Variants in HSPA12A observed in about 807,000 individuals in gnomAD.
HSPA12A encodes heat shock 70 kDa protein 12A.
In HSPA12A, 28 loss-of-function variants were observed where a neutral mutation model predicts 69.2. The observed-to-expected ratio is 0.40, with a 90% CI of 0.30 to 0.55. The LOEUF (loss-of-function observed/expected upper bound fraction) is 0.55, where lower values mean the gene tolerates loss of function less well. Among genes scored for constraint, HSPA12A ranks in the 20% least tolerant of loss-of-function variants. The pLI is 0.38. For missense variants in HSPA12A, 686 were observed against 900.7 expected (o/e 0.76, Z 3.05); for synonymous variants, 345 against 370.5 (o/e 0.93, Z 0.79).
At chr10:116,825,181 T>A (rs1435109950) in intron 2 of HSPA12A, among the ~76,000 whole-genome samples, 1 of 132,052 alleles carries the variant, frequency 7.6e-6, no homozygotes, top group Admixed American at 7.8e-5. Context: ...GGTGAGACCT[T>A]GTCTCAAAAA....
intron 2 of HSPA12A, among the ~76,000 whole-genome samples, chr10:116,784,508 G>A (rs944787146): frequency 2.6e-5 from 4 of 152,208 alleles, no homozygotes; most frequent in African/African-American, 4.8e-5. Flanking sequence ...CACTTAGAGT[G>A]GTACCTGGAC....
intron 2 of HSPA12A, among the ~76,000 whole-genome samples, chr10:116,794,832 T>G (rs1402909044): frequency 6.6e-6 from 1 of 152,134 alleles, no homozygotes; most frequent in African/African-American, 2.4e-5. Flanking sequence ...AAAAAAAAGA[T>G]AATAGTTTTT....
At chr10:116,699,930 G>A (rs1342781404) in intron 4 of HSPA12A, among the ~76,000 whole-genome samples, 3 of 152,244 alleles carry the variant, frequency 2.0e-5, no homozygotes, top group African/African-American at 7.2e-5. Flanking sequence ...TCCCACTTAT[G>A]TTTGCTTTGT....
intron 1 of HSPA12A, among the ~76,000 whole-genome samples, chr10:116,838,386 G>A (rs1437296014): frequency 6.6e-6 from 1 of 152,166 alleles, no homozygotes; most frequent in Non-Finnish European, 1.5e-5. Context: ...GTGAGAGTGT[G>A]TGTGGACAGT....
At chr10:116,716,748 G>C (rs536686654) in intron 1 of HSPA12A, among the ~76,000 whole-genome samples, 1 of 152,108 alleles carries the variant, frequency 6.6e-6, no homozygotes, top group Non-Finnish European at 1.5e-5. Context: ...ATGTTTGTGA[G>C]CCTGGGGACA....
upstream of HSPA12A, chr10:116,742,710 G>A (rs1203864028): frequency 1.7e-6 from 1 of 594,870 alleles, no homozygotes; most frequent in Non-Finnish European, 2.1e-6. Flanking sequence ...CGGGCGCGGG[G>A]AACTGCCTGG....
At chr10:116,705,487 G>C (rs1850215891) in intron 2 of HSPA12A, among the ~76,000 whole-genome samples, 1 of 152,230 alleles carries the variant, frequency 6.6e-6, no homozygotes, top group Non-Finnish European at 1.5e-5. Flanking sequence ...GGGCATCCCT[G>C]AGTGGAGGGC....
chr10:116,825,805 A>T (rs189169397), intron 2 of HSPA12A, among the ~76,000 whole-genome samples: 4 of 152,168 alleles, frequency 2.6e-5, no homozygotes, highest in African/African-American at 7.2e-5. Flanking sequence ...CAATTCTGTG[A>T]TATATTAAAA....
chr10:116,765,669 G>A (rs1417965556), intron 2 of HSPA12A, among the ~76,000 whole-genome samples: 1 of 152,108 alleles, frequency 6.6e-6, no homozygotes, highest in Non-Finnish European at 1.5e-5. Flanking sequence ...AAAAGTTGAA[G>A]GAAAGAAGAC....
intron 1 of HSPA12A, among the ~76,000 whole-genome samples, chr10:116,718,338 G>C (rs1850669856): frequency 6.6e-6 from 1 of 152,190 alleles, no homozygotes; most frequent in Non-Finnish European, 1.5e-5. Context: ...GAGGAGGTAA[G>C]GGTAGGGAAG....
At chr10:116,770,998 T>G (rs1462473865) in intron 2 of HSPA12A, among the ~76,000 whole-genome samples, 79 of 139,438 alleles carry the variant, frequency 5.7e-4, no homozygotes, top group African/African-American at 2.0e-3. Flanking sequence ...GGAGTGGGGC[T>G]GTGGGCTGTG....
At chr10:116,811,579 T>TAAAAAAAAAA (rs60912684) in intron 2 of HSPA12A, among the ~76,000 whole-genome samples, 1 of 105,932 alleles carries the variant, frequency 9.4e-6, no homozygotes, top group African/African-American at 3.7e-5. Context: ...TTGCTTTTGT[T>TAAAAAAAAAA]AAAAAAAAAA....
chr10:116,804,474 C>G (rs954957748), intron 2 of HSPA12A, among the ~76,000 whole-genome samples: 3 of 152,052 alleles, frequency 2.0e-5, no homozygotes, highest in Admixed American at 6.5e-5. Context: ...ATACCCTCCC[C>G]GAGTCCCTGA....
At chr10:116,779,863 G>A (rs1048656650) in intron 2 of HSPA12A, among the ~76,000 whole-genome samples, 13 of 152,062 alleles carry the variant, frequency 8.5e-5, no homozygotes, top group African/African-American at 2.4e-4. Context: ...AGTGCACTCC[G>A]TCCCCGCACC....
intron 2 of HSPA12A, among the ~76,000 whole-genome samples, chr10:116,758,188 A>C (rs1440532339): frequency 6.6e-6 from 1 of 152,158 alleles, no homozygotes; most frequent in Non-Finnish European, 1.5e-5. Context: ...CCTTCAGCGA[A>C]GGTACCTTGA....
chr10:116,794,097 C>T (rs941838527), intron 2 of HSPA12A, among the ~76,000 whole-genome samples: 2 of 152,002 alleles, frequency 1.3e-5, no homozygotes, highest in African/African-American at 2.4e-5. Flanking sequence ...CAGCTATACT[C>T]GGGTGGCTGA....
chr10:116,812,453 AAAAAT>A (rs1322080335), intron 2 of HSPA12A, among the ~76,000 whole-genome samples: 1 of 152,038 alleles, frequency 6.6e-6, no homozygotes. Flanking sequence ...ACTCCATCTC[AAAAAT>A]AAAATAAAAT....
chr10:116,737,883 G>A (rs1851361330), intron 1 of HSPA12A, among the ~76,000 whole-genome samples: 1 of 152,162 alleles, frequency 6.6e-6, no homozygotes, highest in Non-Finnish European at 1.5e-5. Flanking sequence ...GCTTCAGTGG[G>A]GCAGGTTTCA....
intron 2 of HSPA12A, among the ~76,000 whole-genome samples, chr10:116,787,392 G>A (rs1372907532): frequency 7.5e-6 from 1 of 133,934 alleles, no homozygotes; most frequent in African/African-American, 2.8e-5. Flanking sequence ...GTGCCCAAAT[G>A]TCAAATCAAG....
Sources: gnomAD v4.1 joint callset for allele counts (sites outside exome capture counted in the v4.1 genomes callset) on GRCh38, gnomAD v4.1.1 for gene constraint, MANE v1.5 for transcripts, NCBI Gene and HGNC (gene_info 2026-07-23, HGNC 2026-07-21) for gene names.